The following IGFN1 variants were observed in gnomAD, a reference collection of about 807,000 sequenced individuals.
IGFN1 encodes immunoglobulin-like and fibronectin type III domain-containing protein 1.
IGFN1 carries 253 observed loss-of-function variants against 289.5 expected under a neutral mutation model. The observed-to-expected ratio is 0.87, with a 90% CI of 0.79 to 0.97. IGFN1 has a LOEUF of 0.97. Ranked by LOEUF, IGFN1 falls within the 50% of genes least tolerant of loss-of-function variation. The pLI is 0.00. For synonymous variants in IGFN1, 1,706 were observed against 1,788.5 expected, an observed-to-expected ratio of 0.95 and a Z score of 1.16; for missense variants, 4,470 against 4,686.1, an observed-to-expected ratio of 0.95 and a Z score of 1.35.
At chr1:201,217,237 C>A in intron 16 of IGFN1, 50 bp from the exon 17 acceptor site, 2 of 1,568,580 alleles carry the variant, frequency 1.3e-6, no homozygotes, top group Non-Finnish European at 1.7e-6. Flanking sequence ...TCCCCATGAG[C>A]CGGCACCTTT....
In IGFN1 at chr1:201,193,260, C is replaced by G. The variant is rs1001979499; in HGVS notation, c.-34C>G. The G allele has an allele frequency of 6.7e-7, 1 of 1,502,322 alleles. No homozygotes were observed. Among genetic ancestry groups the G allele is most frequent in the Admixed American group, 2.0e-5 (1 of 50,910 alleles). 93.1% of individuals were successfully genotyped at this position (1,502,322 alleles called of 1,614,324 possible). On this transcript the variant is annotated 5_prime_UTR_variant, in exon 2 of 24. Transcript: ENST00000335211. ...TTCTGTTCTCAGGGTAATAGAACTT[C>G]TACCCTCAGAGGAGTCAAAGAGGAG...
At position 201,215,043 on chromosome 1, in the gene IGFN1, C is replaced by A. The variant is rs1472311527; in HGVS notation, c.8884C>A (p.Gln2962Lys). ...CACCCAGGATGGAGTCATCTTTAAG[C>A]AAGACGGTCTCGTGCACAGCCTCTT... Reference protein sequence around the residue: ...LTTQDGVIFKQDGLVHSLFIT... With the variant: ...LTTQDGVIFKKDGLVHSLFIT... The change falls in exon 14 of 24, where the codon CAA becomes AAA. Residue 2962 changes from glutamine (Q) to lysine (K), a missense_variant. Physicochemically the swap from Gln to Lys is moderately conservative, Grantham distance 53. This residue lies in a region of IGFN1 where 2,218 missense variants were observed against 2,114.1 expected (regional missense o/e 1.05). Transcript: ENST00000335211. 1.2e-6 allele frequency: 2 copies of A among 1,614,090 alleles called. No homozygotes were observed.
rs752416625 is a variant in IGFN1 at position 201,213,064 on chromosome 1, C to T, written c.8171C>T (p.Ala2724Val). The change falls in exon 12 of 24, where the codon GCC (alanine) becomes GTC (valine). Residue 2724 changes from alanine to valine, a missense_variant. By Grantham distance (64) the Ala-to-Val change is moderately conservative. Transcript: ENST00000335211. ...GGGAATTCTACTGAGTGGGGGAATG[C>T]CCTCACCCCAAAACCTGGGGAGTCC... is the stretch of plus-strand genomic sequence containing the variant. ...GKGNSTEWGNALTPKPGESGP... is the reference protein window; with the variant it reads ...GKGNSTEWGNVLTPKPGESGP... The T allele has an allele frequency of 6.4e-7, 1 of 1,551,596 alleles. No individual in the cohort carries two copies. Among genetic ancestry groups the T allele is most frequent in the Non-Finnish European group, 8.7e-7 (1 of 1,146,956 alleles).
In IGFN1 at chr1:201,213,297, G is replaced by T; in HGVS notation, c.8404G>T (p.Val2802Leu). 6.4e-7 allele frequency: 1 copy of T among 1,566,156 alleles called. No individual in the cohort carries two copies. Among genetic ancestry groups the T allele is most frequent in the Non-Finnish European group, 8.7e-7 (1 of 1,155,210 alleles). Residue 2802 changes from valine to leucine, a missense_variant, in exon 12 of 24, where the codon GTG becomes TTG. Transcript: ENST00000335211. ...CCTAAAGGAGGATGAAGGGCAGGGA[G>T]TGGAAGAGGCTGGGAGGTCAGGCAG... ...GALKEDEGQG[V>L]EEAGRSGRRP... is the part of the protein sequence containing the mutation.
rs1418780213 is a variant in IGFN1 at position 201,211,261 on chromosome 1, G to A, written c.6368G>A (p.Gly2123Asp). Residue 2123 changes from glycine to aspartate, a missense_variant, in exon 12 of 24, where the codon GGT becomes GAT. Coordinates refer to ENST00000335211, the MANE Select transcript of IGFN1 (RefSeq NM_001164586.2). ...GGAATAGGTTCAGGAAGTAAGGCAG[G>A]TTTTAGGGATGGTTTAGGGAGTTCT... ...PEGIGSGSKA[G>D]FRDGLGSSTE... The A allele has an allele frequency of 2.0e-6, 3 of 1,530,914 alleles. No individual in the cohort carries two copies. Among genetic ancestry groups the A allele is most frequent in the Non-Finnish European group, 2.6e-6 (3 of 1,143,652 alleles). 94.8% of individuals were successfully genotyped at this position (1,530,914 alleles called of 1,614,324 possible).
Position 201,197,268 on chromosome 1 carries a change from A to T in IGFN1, c.318A>T (p.Val106=). 1 of 1,551,638 alleles carries T rather than the reference A, an allele frequency of 6.4e-7. No homozygotes were observed. The highest frequency in any genetic ancestry group is 8.7e-7 in the Non-Finnish European group (1 of 1,146,916). The change falls in exon 5 of 24, where the codon GTA becomes GTT. Residue 106 remains valine, a synonymous_variant. Transcript: ENST00000335211. ...CGGATCTGTACCGCTGCACAGCAGT[A>T]AATGCGTACGGAGAGGCCGCTTGCT... is the stretch of plus-strand genomic sequence containing the variant. ...EDTDLYRCTA[V]NAYGEAACSV...
In IGFN1 at chr1:201,203,748, TGATCCCCTA is replaced by T; in HGVS notation, c.759_767del (p.Met253_Tyr256delinsIle). ...CTTTTCTGGCCTTAGGATGGTGAGATGATCCCCTATGGCTTCAACAACCAAACCAAGCAC... is the reference window on the plus strand; with the variant it reads ...CTTTTCTGGCCTTAGGATGGTGAGATTGGCTTCAACAACCAAACCAAGCAC... On this transcript the variant is annotated inframe_deletion, in exon 10 of 24. Coordinates refer to ENST00000335211, the MANE Select transcript of IGFN1 (RefSeq NM_001164586.2). The T allele has an allele frequency of 6.4e-7, 1 of 1,551,704 alleles. No homozygotes were observed. Among genetic ancestry groups the T allele is most frequent in the South Asian group, 1.2e-5 (1 of 84,058 alleles).
intron 21 of IGFN1, 41 bp from the exon 22 acceptor site, chr1:201,225,783 G>T (rs1172032821): frequency 2.6e-6 from 4 of 1,560,744 alleles, no homozygotes; most frequent in South Asian, 1.2e-5. Context: ...AGCCCTGCTG[G>T]GTCCCCTCCA....
At chr1:201,195,808 C>T in intron 3 of IGFN1, 31 bp from the exon 4 acceptor site, 1 of 1,541,870 alleles carries the variant, frequency 6.5e-7, no homozygotes, top group South Asian at 1.2e-5. Flanking sequence ...CCCAACTTGT[C>T]AGTCTCCCTA....
rs1355513382 is a variant in IGFN1, at chr1:201,209,113, A to T, written c.4220A>T (p.Glu1407Val). 6.5e-7 allele frequency: 1 copy of T among 1,529,610 alleles called. No homozygotes were observed. 94.8% of individuals were successfully genotyped at this position (1,529,610 alleles called of 1,614,324 possible). A position where few individuals can be genotyped will look rare whatever the true frequency, so the allele number is the denominator to read the frequency against. ...CCTGGGGAGATGGGGTCACTGGATG[A>T]GTCAGGTCATAGGAATGGGATTGGA... Reference protein sequence around the residue: ...RGPGEMGSLDESGHRNGIGGY... With the variant: ...RGPGEMGSLDVSGHRNGIGGY... Residue 1407 changes from glutamate (E) to valine (V), a missense_variant, in exon 12 of 24, where the codon GAG becomes GTG. Transcript: ENST00000335211.
chr1:201,195,742 C>G (rs1666889731), intron 3 of IGFN1, 97 bp from the exon 4 acceptor site: 2 of 1,316,478 alleles, frequency 1.5e-6, no homozygotes, highest in South Asian at 3.2e-5. Flanking sequence ...GTTGAAATAC[C>G]TAGATGAGGA....
chr1:201,197,826 C>T (rs568156211), intron 5 of IGFN1, among the ~76,000 whole-genome samples: 1 of 152,280 alleles, frequency 6.6e-6, no homozygotes, highest in East Asian at 1.9e-4. Flanking sequence ...CAGGTCTAGT[C>T]TCGCCATTGG....
At position 201,194,211 on chromosome 1, in the gene IGFN1, T is replaced by G; in HGVS notation, c.65T>G (p.Ile22Ser). The change falls in exon 3 of 24, where the codon ATC becomes AGC. Residue 22 changes from isoleucine (I) to serine (S), a missense_variant. By Grantham distance (142) the Ile-to-Ser change is moderately radical (BLOSUM62 -2). Around this residue, in one of 8 missense-constraint regions of IGFN1, gnomAD observed 2,011 missense variants for 1,953.4 expected, o/e 1.03. Coordinates refer to ENST00000335211, the MANE Select transcript of IGFN1 (RefSeq NM_001164586.2). ...AGCATCTGGCAGCTGGTGGAGGAGA[T>G]CCCTGAAGGCTGCAGCACGCCGGAC... Reference protein sequence around the residue: ...GVSIWQLVEEIPEGCSTPDFE... With the variant: ...GVSIWQLVEESPEGCSTPDFE... 1 of 1,551,548 alleles carries G rather than the reference T, an allele frequency of 6.4e-7. No homozygotes were observed. Among genetic ancestry groups the G allele is most frequent in the East Asian group, 2.4e-5 (1 of 40,900 alleles).
chr1:201,194,698 T>G (rs551744994), intron 3 of IGFN1, among the ~76,000 whole-genome samples: 19 of 152,300 alleles, frequency 1.2e-4, no homozygotes, highest in African/African-American at 2.2e-4. Flanking sequence ...GCTCACAGGC[T>G]GGGCTCAGGA....
chr1:201,217,456 G>T lies in IGFN1; in HGVS notation c.9765G>T (p.Val3255=), dbSNP rs749378694. The T allele has an allele frequency of 1.9e-6, 3 of 1,614,102 alleles. No individual in the cohort carries two copies. Among genetic ancestry groups the T allele is most frequent in the Admixed American group, 1.7e-5 (1 of 60,030 alleles). The change falls in exon 17 of 24, where the codon GTG becomes GTT. Residue 3255 remains valine (V), a synonymous_variant. Coordinates refer to ENST00000335211, the MANE Select transcript of IGFN1 (RefSeq NM_001164586.2). ...NTWTAVNDQP[V]PERRWTVADV... is the part of the protein sequence containing the mutation. ...GGACGGCAGTGAACGACCAGCCGGT[G>T]CCTGGTGAGCATTGTCCTGGCTTCC...
Position 201,212,163 on chromosome 1 carries a change from C to T in IGFN1, c.7270C>T (p.Pro2424Ser). 6.5e-7 allele frequency: 1 copy of T among 1,535,996 alleles called. No homozygotes were observed. Among genetic ancestry groups the T allele is most frequent in the Non-Finnish European group, 8.7e-7 (1 of 1,146,594 alleles). ...GGATGGGGCAGGACCTGGGGTGGAACCTGGGATGGCTGGAATGCCAGGCAC... is the reference window on the plus strand; with the variant it reads ...GGATGGGGCAGGACCTGGGGTGGAATCTGGGATGGCTGGAATGCCAGGCAC... The part of the protein sequence containing the change: ...LVDGAGPGVE[P>S]GMAGMPGTAG... The change falls in exon 12 of 24, where the codon CCT becomes TCT. Residue 2424 changes from proline to serine, a missense_variant. Around this residue, in one of 8 missense-constraint regions of IGFN1, gnomAD observed 2,218 missense variants for 2,114.1 expected, o/e 1.05. Coordinates refer to ENST00000335211, the MANE Select transcript of IGFN1 (RefSeq NM_001164586.2).
In IGFN1 at chr1:201,211,809, G is replaced by C; in HGVS notation, c.6916G>C (p.Gly2306Arg). Residue 2306 changes from glycine (G) to arginine (R), a missense_variant, in exon 12 of 24, where the codon GGT becomes CGT. Physicochemically the swap from Gly to Arg is moderately radical, Grantham distance 125. Coordinates refer to ENST00000335211, the MANE Select transcript of IGFN1 (RefSeq NM_001164586.2). ...ATTAGGGAGCGAGGCAGGTTCTAGG[G>C]GTAGTTTGGAGGATTCTGGGTACAT... ...NPLGSEAGSR[G>R]SLEDSGYILS... 6.5e-7 allele frequency: 1 copy of C among 1,536,740 alleles called. No homozygotes were observed. The highest frequency in any genetic ancestry group is 1.2e-5 in the South Asian group (1 of 84,044).
chr1:201,205,200 C>T lies in IGFN1; in HGVS notation c.1035C>T (p.His345=). The T allele has an allele frequency of 1.3e-6, 2 of 1,551,294 alleles. No homozygotes were observed. Among genetic ancestry groups the T allele is most frequent in the Non-Finnish European group, 1.7e-6 (2 of 1,146,996 alleles). ...PCPSAAWHFR[H]RLLHPSDKYE... ...CTAGTGCAGCCTGGCATTTCCGGCA[C>T]CGGCTACTCCACCCCAGTGACAAAT... The change falls in exon 11 of 24, where the codon CAC becomes CAT. Residue 345 remains histidine, a synonymous_variant. Transcript: ENST00000335211.
At position 201,211,842 on chromosome 1, in the gene IGFN1, T is replaced by G. The variant is rs1234036343; in HGVS notation, c.6949T>G (p.Trp2317Gly). Residue 2317 changes from tryptophan to glycine, a missense_variant, in exon 12 of 24, where the codon TGG (tryptophan) becomes GGG (glycine). Trp to Gly is a radical substitution (Grantham distance 184). Around this residue, in one of 8 missense-constraint regions of IGFN1, gnomAD observed 2,218 missense variants for 2,114.1 expected, o/e 1.05. Coordinates refer to ENST00000335211, the MANE Select transcript of IGFN1 (RefSeq NM_001164586.2). ...SLEDSGYILS[W>G]NEAGSRQGFG... ...GGAGGATTCTGGGTACATTTTGTCATGGAATGAGGCAGGTTCTAGGCAAGG... is the reference window on the plus strand; with the variant it reads ...GGAGGATTCTGGGTACATTTTGTCAGGGAATGAGGCAGGTTCTAGGCAAGG... 1 of 1,535,782 alleles carries G rather than the reference T, an allele frequency of 6.5e-7. No individual in the cohort carries two copies. The highest frequency in any genetic ancestry group is 2.4e-5 in the East Asian group (1 of 40,848).
Sources: allele counts gnomAD v4.1 joint callset (sites outside exome capture counted in the v4.1 genomes callset), GRCh38; gene constraint gnomAD v4.1.1; regional missense constraint gnomAD v4.1.1; transcripts MANE v1.5; gene names NCBI Gene and HGNC (gene_info 2026-07-23, HGNC 2026-07-21).